Variants in AIG1 observed in about 807,000 individuals in gnomAD.
AIG1 encodes androgen induced 1, also known as androgen-induced gene 1 protein.
In AIG1, 23 loss-of-function variants were observed where a neutral mutation model predicts 31.4. The observed-to-expected ratio is 0.73, with a 90% CI of 0.53 to 1.04. The LOEUF (loss-of-function observed/expected upper bound fraction) is 1.04. Ranked by LOEUF, AIG1 falls within the 50% of genes least tolerant of loss-of-function variation. AIG1 has a pLI of 0.00. For synonymous variants in AIG1, 100 were observed against 110.5 expected, an observed-to-expected ratio of 0.90 and a Z score of 0.60; for missense variants, 274 against 295.0, an observed-to-expected ratio of 0.93 and a Z score of 0.52.
Position 143,279,402 on chromosome 6 carries a change from A to C in AIG1, c.400-4708A>C, listed in dbSNP as rs538511789. ...TGAGAGTGAGGAAGGACAAAATCAGAACTAGATCTCAGATGCCAGCCTCCT... is the reference window on the plus strand; with the variant it reads ...TGAGAGTGAGGAAGGACAAAATCAGCACTAGATCTCAGATGCCAGCCTCCT... On this transcript the variant is annotated intron_variant, in intron 3 of 5. Transcript: ENST00000357847. This position sits in a 1 kb window ranked among gnomAD's most constrained non-coding sequence, Gnocchi z 5.4. Among the ~76,000 whole-genome samples the C allele has an allele frequency of 2.8e-4, 42 of 152,342 alleles. No homozygotes were observed. The highest frequency in any genetic ancestry group is 9.9e-4 in the African/African-American group (41 of 41,580).
chr6:143,343,168 G>A (rs1243595917), downstream of AIG1: 1 of 735,526 alleles, frequency 1.4e-6, no homozygotes, highest in African/African-American at 1.7e-5. Context: ...TTCACAGCAG[G>A]AAATGCCCTA....
In AIG1 at chr6:143,330,571, G is replaced by T. The variant is rs1776997016; in HGVS notation, c.516-2711G>T. Among the ~76,000 whole-genome samples the T allele has an allele frequency of 6.6e-6, 1 of 152,094 alleles. No homozygotes were observed. The highest frequency in any genetic ancestry group is 2.4e-5 in the African/African-American group (1 of 41,414). ...TTAAATCAGAAAAGTGCGGGGTAGG[G>T]CCTTGAAGAACCATCTAGGGACTCT... On this transcript the variant is annotated intron_variant, in intron 4 of 5. Transcript: ENST00000357847. This position sits in a 1 kb window ranked among gnomAD's most constrained non-coding sequence, Gnocchi z 4.4.
chr6:143,322,479 C>T (rs993952871), intron 4 of AIG1, among the ~76,000 whole-genome samples: 1 of 152,106 alleles, frequency 6.6e-6, no homozygotes, highest in African/African-American at 2.4e-5. Flanking sequence ...CTACAATGTT[C>T]GATGTCTCTA....
At chr6:143,189,753 A>G (rs966316868) in intron 3 of AIG1, 13 of 985,066 alleles carry the variant, frequency 1.3e-5, no homozygotes, top group African/African-American at 5.2e-5. Context: ...GAGCCCTCTT[A>G]TATTAATATG....
At chr6:143,092,258 C>T (rs1466212425) in intron 1 of AIG1, among the ~76,000 whole-genome samples, 1 of 151,656 alleles carries the variant, frequency 6.6e-6, no homozygotes, top group East Asian at 1.9e-4. Context: ...GTGTGCATCA[C>T]CATGCTGGGC....
chr6:143,230,512 CTT>C (rs921874547), intron 3 of AIG1, among the ~76,000 whole-genome samples: 4 of 149,534 alleles, frequency 2.7e-5, no homozygotes, highest in South Asian at 2.1e-4. Flanking sequence ...TTTTTACACT[CTT>C]TTTTCTTTTA....
chr6:143,100,882 A>G (rs1454021139), intron 1 of AIG1, among the ~76,000 whole-genome samples: 2 of 151,934 alleles, frequency 1.3e-5, no homozygotes, highest in Admixed American at 1.3e-4. Context: ...ATGGGGTTTC[A>G]CCATGTTGGC....
chr6:143,243,672 A>G (rs1794413018), intron 3 of AIG1, among the ~76,000 whole-genome samples: 1 of 152,208 alleles, frequency 6.6e-6, no homozygotes, highest in African/African-American at 2.4e-5. Context: ...TTGATATAGG[A>G]CAGTGGAGGA....
chr6:143,101,216 G>T (rs559303704), intron 1 of AIG1, among the ~76,000 whole-genome samples: 1 of 151,966 alleles, frequency 6.6e-6, no homozygotes, highest in Non-Finnish European at 1.5e-5. Context: ...AGGTAATGAG[G>T]TGGCGCATAT....
At chr6:143,242,849 C>T (rs997020954) in intron 3 of AIG1, among the ~76,000 whole-genome samples, 5 of 152,190 alleles carry the variant, frequency 3.3e-5, no homozygotes, top group East Asian at 1.9e-4. Context: ...GAAGTGCATG[C>T]GACATCATGG....
At chr6:143,309,750 A>G (rs1249684702) in intron 4 of AIG1, among the ~76,000 whole-genome samples, 3 of 152,062 alleles carry the variant, frequency 2.0e-5, no homozygotes, top group African/African-American at 4.8e-5. Flanking sequence ...ACATGTTTCT[A>G]CAAGAAACTC....
At chr6:143,122,845 A>T (rs1021142386) in intron 1 of AIG1, among the ~76,000 whole-genome samples, 1 of 151,902 alleles carries the variant, frequency 6.6e-6, no homozygotes, top group Admixed American at 6.6e-5. Context: ...CCCTCCCACC[A>T]TACCTGTGAT....
chr6:143,305,074 C>A (rs1799154625), intron 4 of AIG1, among the ~76,000 whole-genome samples: 2 of 152,090 alleles, frequency 1.3e-5, no homozygotes, highest in South Asian at 4.1e-4. Context: ...GTGGTGATAT[C>A]CCCTTTATCA....
At chr6:143,075,293 T>G (rs1490871683) in intron 1 of AIG1, among the ~76,000 whole-genome samples, 1 of 152,160 alleles carries the variant, frequency 6.6e-6, no homozygotes, top group Non-Finnish European at 1.5e-5. Flanking sequence ...TTCATTGATT[T>G]CTCTCTTTTT....
intron 2 of AIG1, among the ~76,000 whole-genome samples, chr6:143,163,736 A>G (rs1786641829): frequency 6.6e-6 from 1 of 152,214 alleles, no homozygotes; most frequent in Admixed American, 6.5e-5. Flanking sequence ...TTCACTTTAA[A>G]GGGAAGAATG....
chr6:143,276,026 C>G (rs1796871747), intron 3 of AIG1, among the ~76,000 whole-genome samples: 1 of 152,178 alleles, frequency 6.6e-6, no homozygotes, highest in Non-Finnish European at 1.5e-5. Context: ...CGCACTGCAG[C>G]CTCCTGGTAA....
At chr6:143,073,770 A>C (rs1777498596) in intron 1 of AIG1, among the ~76,000 whole-genome samples, 1 of 152,228 alleles carries the variant, frequency 6.6e-6, no homozygotes, top group Non-Finnish European at 1.5e-5. Context: ...CTTGTATGTT[A>C]TATGGCAAAA....
intron 1 of AIG1, among the ~76,000 whole-genome samples, chr6:143,092,472 G>A (rs1779394973): frequency 6.6e-6 from 1 of 152,032 alleles, no homozygotes; most frequent in South Asian, 2.1e-4. Flanking sequence ...TGATCCATGG[G>A]CTGCAGAATG....
At chr6:143,178,562 G>A (rs1788409656) in intron 3 of AIG1, among the ~76,000 whole-genome samples, 1 of 152,196 alleles carries the variant, frequency 6.6e-6, no homozygotes, top group Non-Finnish European at 1.5e-5. Context: ...CTGTGCTTGA[G>A]GTCTCTCTGG....
Sources: allele counts gnomAD v4.1 joint callset (sites outside exome capture counted in the v4.1 genomes callset), GRCh38; gene constraint gnomAD v4.1.1; non-coding constraint Gnocchi (gnomAD v3.1); transcripts MANE v1.5; gene names NCBI Gene and HGNC (gene_info 2026-07-23, HGNC 2026-07-21).